TOPAZ1: variants seen among roughly 807,000 people sequenced by gnomAD.
TOPAZ1 encodes the protein testis and ovary specific TOPAZ 1.
A neutral mutation model predicts 172.2 loss-of-function variants in TOPAZ1; 66 were observed. That is an observed-to-expected ratio of 0.38 (90% confidence interval 0.31 to 0.47). The LOEUF (loss-of-function observed/expected upper bound fraction) is 0.47, where lower values mean the gene tolerates loss of function less well. Ranked by LOEUF, TOPAZ1 falls within the 20% of genes least tolerant of loss-of-function variation. The probability of loss-of-function intolerance (pLI) is 0.99; values close to 1 mark genes in which losing one functional copy is unlikely to be tolerated. For synonymous variants in TOPAZ1, 681 were observed against 683.9 expected, an observed-to-expected ratio of 1.00 and a Z score of 0.07; for missense variants, 1,822 against 1,972.4, an observed-to-expected ratio of 0.92 and a Z score of 1.44.
intron 17 of TOPAZ1, 131 bp from the exon 18 acceptor site, chr3:44,322,961 A>C (rs1271886003): frequency 1.8e-6 from 1 of 558,448 alleles, no homozygotes; most frequent in East Asian, 3.1e-5. Flanking sequence ...AAATGATTGC[A>C]TTTTAGTGAC....
chr3:44,273,296 C>G (rs182477807), intron 8 of TOPAZ1, among the ~76,000 whole-genome samples: 2 of 152,096 alleles, frequency 1.3e-5, no homozygotes, highest in South Asian at 4.1e-4. Flanking sequence ...CACACTGAAG[C>G]CTTTCTGTGA....
chr3:44,284,327 A>T (rs934469971), intron 9 of TOPAZ1, among the ~76,000 whole-genome samples: 1 of 152,090 alleles, frequency 6.6e-6, no homozygotes, highest in African/African-American at 2.4e-5. Flanking sequence ...GGCTCTATGA[A>T]TTTGTCTATT....
chr3:44,290,215 G>T (rs1429289850), intron 11 of TOPAZ1, among the ~76,000 whole-genome samples: 1 of 152,210 alleles, frequency 6.6e-6, no homozygotes, highest in Non-Finnish European at 1.5e-5. Flanking sequence ...CACACTAGAA[G>T]TGTCCAGATA....
intron 16 of TOPAZ1, among the ~76,000 whole-genome samples, chr3:44,317,565 T>C (rs573138987): frequency 6.6e-6 from 1 of 152,370 alleles, no homozygotes; most frequent in East Asian, 1.9e-4. Flanking sequence ...TTAATAGTTT[T>C]ATGTTCCCAG....
At chr3:44,302,580 T>C (rs1318577803) in intron 12 of TOPAZ1, among the ~76,000 whole-genome samples, 3 of 152,184 alleles carry the variant, frequency 2.0e-5, no homozygotes, top group Admixed American at 1.3e-4. Flanking sequence ...ATAGTAACTG[T>C]AGAAGCTTTA....
In TOPAZ1 at chr3:44,287,748, C is replaced by T; in HGVS notation, c.3590C>T (p.Pro1197Leu). The T allele has an allele frequency of 1.4e-6, 2 of 1,452,100 alleles. No individual in the cohort carries two copies. Among genetic ancestry groups the T allele is most frequent in the East Asian group, 2.6e-5 (1 of 38,846 alleles). 90.0% of individuals were successfully genotyped at this position (1,452,100 alleles called of 1,614,324 possible). The stretch of plus-strand genomic sequence containing the variant: ...GTGTAATTTTTTTGTTTTATCCAGC[C>T]TTCTCTGAAAATATTACTAAACATA... ...VNLSIMVKML[P>L]SLKILLNIFE... is the part of the protein sequence containing the mutation. Residue 1197 changes from proline to leucine, a missense_variant and splice_region_variant, in exon 11 of 20, where the codon CCT (proline) becomes CTT (leucine). By Grantham distance (98) the Pro-to-Leu change is moderately conservative. This residue lies in a region of TOPAZ1 where 1,489 missense variants were observed against 1,490.8 expected (regional missense o/e 1.00). Transcript: ENST00000309765.
intron 19 of TOPAZ1, among the ~76,000 whole-genome samples, chr3:44,331,477 C>T (rs1456489785): frequency 6.6e-6 from 1 of 152,152 alleles, no homozygotes; most frequent in Admixed American, 6.6e-5. Flanking sequence ...AGGCGCACAT[C>T]ACCATACCCA....
In TOPAZ1 at chr3:44,331,187, G is replaced by T. The variant is rs1292455205; in HGVS notation, c.4860-605G>T. On this transcript the variant is annotated intron_variant, in intron 19 of 19. Coordinates refer to ENST00000309765, the MANE Select transcript of TOPAZ1 (RefSeq NM_001145030.2). ...TCTAAATCAGTATTTTTCAAACTGGGTTGCAGACTATTTGTGTGGTGAAAT... is the reference window on the plus strand; with the variant it reads ...TCTAAATCAGTATTTTTCAAACTGGTTTGCAGACTATTTGTGTGGTGAAAT... Among the ~76,000 whole-genome samples the T allele has an allele frequency of 3.9e-5, 6 of 152,244 alleles. No individual in the cohort carries two copies. In the East Asian group the frequency reaches 1.2e-3, roughly 29 times the overall value.
Position 44,287,804 on chromosome 3 carries a change from A to G in TOPAZ1, c.3646A>G (p.Asn1216Asp). ...FEYVATMKLR[N>D]AVPALIDIFC... ...GTATGTGGCAACTATGAAATTAAGG[A>G]ATGCTGTACCTGCTTTAATTGATAT... is the stretch of plus-strand genomic sequence containing the variant. Residue 1216 changes from asparagine to aspartate, a missense_variant, in exon 11 of 20, where the codon AAT becomes GAT. Coordinates refer to ENST00000309765, the MANE Select transcript of TOPAZ1 (RefSeq NM_001145030.2). 2 of 1,501,370 alleles carry G rather than the reference A, an allele frequency of 1.3e-6. No homozygotes were observed. Among genetic ancestry groups the G allele is most frequent in the Non-Finnish European group, 1.8e-6 (2 of 1,112,172 alleles). 93.0% of individuals were successfully genotyped at this position (1,501,370 alleles called of 1,614,324 possible). A position where few individuals can be genotyped will look rare whatever the true frequency, so the allele number is the denominator to read the frequency against.
chr3:44,322,579 T>C (rs541860518), intron 17 of TOPAZ1, among the ~76,000 whole-genome samples: 1 of 152,284 alleles, frequency 6.6e-6, no homozygotes, highest in East Asian at 1.9e-4. Flanking sequence ...ATATGTAAGA[T>C]AGGTTGGGCG....
At chr3:44,285,544 C>T (rs553205929) in intron 9 of TOPAZ1, among the ~76,000 whole-genome samples, 102 of 143,894 alleles carry the variant, frequency 7.1e-4, no homozygotes, top group African/African-American at 2.4e-3. Context: ...AGTTTCCACC[C>T]AACAGTTTAA....
rs113867417 is a variant in TOPAZ1 at position 44,281,236 on chromosome 3, A to G, written c.3373-732A>G. ...TTCTTCTACTTTCTAGCAAAATCCC[A>G]CTGAACTGCATTCATCCATTTGGCT... On this transcript the variant is annotated intron_variant, in intron 8 of 19. Transcript: ENST00000309765. Among the ~76,000 whole-genome samples the G allele has an allele frequency of 8.5e-3, 1,296 of 152,240 alleles. 14 individuals are homozygous for G. Among genetic ancestry groups the G allele is most frequent in the African/African-American group, 0.026 (1,087 of 41,540 alleles).
At chr3:44,256,369 T>C (rs369507760) in intron 4 of TOPAZ1, 91 bp downstream of exon 4, 4 of 1,190,008 alleles carry the variant, frequency 3.4e-6, no homozygotes, top group African/African-American at 1.6e-5. Context: ...GGGTGGCAAG[T>C]GTAACTCCCT....
chr3:44,302,349 G>A (rs1700281739), intron 12 of TOPAZ1, among the ~76,000 whole-genome samples: 1 of 152,188 alleles, frequency 6.6e-6, no homozygotes. Flanking sequence ...GGCGGAGCTT[G>A]CAGTGAGCCG....
chr3:44,259,510 A>G (rs1417344243), intron 4 of TOPAZ1, among the ~76,000 whole-genome samples: 1 of 152,206 alleles, frequency 6.6e-6, no homozygotes, highest in Non-Finnish European at 1.5e-5. Flanking sequence ...CTATATGAAT[A>G]TAATCTAACA....
downstream of TOPAZ1, among the ~76,000 whole-genome samples, chr3:44,333,427 G>A (rs1294908752): frequency 6.6e-6 from 1 of 152,120 alleles, no homozygotes. Flanking sequence ...AGGCACCTTT[G>A]AAAACAAGGG....
rs1279175901 is a variant in TOPAZ1, at chr3:44,243,798, C to T, written c.1292C>T (p.Ala431Val). The T allele has an allele frequency of 1.3e-6, 2 of 1,551,718 alleles. No individual in the cohort carries two copies. Among genetic ancestry groups the T allele is most frequent in the Admixed American group, 3.9e-5 (2 of 51,008 alleles). ...CTTTTGAAAGAAGAAACAGAGAATG[C>T]TTCAGAGCCGTTAGGTTATGAAAGC... is the stretch of plus-strand genomic sequence containing the variant. ...EPLLKEETENASEPLGYESMA... is the reference protein window; with the variant it reads ...EPLLKEETENVSEPLGYESMA... The change falls in exon 2 of 20, where the codon GCT (alanine) becomes GTT (valine). Residue 431 changes from alanine (A) to valine (V), a missense_variant. Coordinates refer to ENST00000309765, the MANE Select transcript of TOPAZ1 (RefSeq NM_001145030.2).
chr3:44,320,965 G>T, intron 16 of TOPAZ1, 62 bp from the exon 17 acceptor site: 1 of 1,083,628 alleles, frequency 9.2e-7, no homozygotes, highest in South Asian at 1.5e-5. Flanking sequence ...CATTAGTTGT[G>T]ATTATACTGT....
chr3:44,263,316 C>T (rs760912488), intron 5 of TOPAZ1, among the ~76,000 whole-genome samples: 9 of 152,180 alleles, frequency 5.9e-5, no homozygotes, highest in Non-Finnish European at 1.0e-4. Flanking sequence ...AATCATTTTG[C>T]TTACAAACTA....
Sources: allele counts gnomAD v4.1 joint callset (sites outside exome capture counted in the v4.1 genomes callset), GRCh38; gene constraint gnomAD v4.1.1; regional missense constraint gnomAD v4.1.1; transcripts MANE v1.5; gene names NCBI Gene and HGNC (gene_info 2026-07-23, HGNC 2026-07-21).